Variants in BANP observed in about 807,000 individuals in gnomAD.
BANP encodes the protein protein BANP.
A neutral mutation model predicts 68.1 loss-of-function variants in BANP; 11 were observed. That is an observed-to-expected ratio of 0.16 (90% CI 0.10 to 0.27). The LOEUF is 0.27. BANP is among the 10% of genes least tolerant of loss of function. BANP has a pLI of 1.00. For synonymous variants in BANP, 329 were observed against 303.2 expected, an observed-to-expected ratio of 1.09 and a Z score of -0.88; for missense variants, 504 against 722.7, an observed-to-expected ratio of 0.70 and a Z score of 3.47.
chr16:87,955,411 A>C (rs538008246), intron 1 of BANP, among the ~76,000 whole-genome samples: 1 of 152,216 alleles, frequency 6.6e-6, no homozygotes, highest in Admixed American at 6.5e-5. Flanking sequence ...AGATGCAAAA[A>C]ATATTTCACT....
intron 6 of BANP, among the ~76,000 whole-genome samples, chr16:88,009,950 T>C (rs567806687): frequency 6.6e-6 from 1 of 152,204 alleles, no homozygotes; most frequent in South Asian, 2.1e-4. Context: ...CTCATTGGAA[T>C]AAGAAGGACT....
At chr16:87,988,616 A>G (rs1418720876) in intron 4 of BANP, among the ~76,000 whole-genome samples, 1 of 152,130 alleles carries the variant, frequency 6.6e-6, no homozygotes, top group Non-Finnish European at 1.5e-5. Context: ...CACAGAGAGT[A>G]TTACCTCCAA....
chr16:88,042,131 G>T (rs2080965477), intron 11 of BANP, among the ~76,000 whole-genome samples: 1 of 152,258 alleles, frequency 6.6e-6, no homozygotes, highest in Admixed American at 6.5e-5. Flanking sequence ...TGGGCACCTG[G>T]GTCCAGTGAG....
intron 11 of BANP, among the ~76,000 whole-genome samples, chr16:88,056,767 G>T (rs1428719206): frequency 6.6e-6 from 1 of 152,156 alleles, no homozygotes; most frequent in Admixed American, 6.5e-5. Flanking sequence ...TATTTAAAAG[G>T]TTATTCATTT....
intron 11 of BANP, among the ~76,000 whole-genome samples, chr16:88,062,140 G>A (rs1161638249): frequency 2.0e-5 from 3 of 152,090 alleles, no homozygotes; most frequent in African/African-American, 4.8e-5. Flanking sequence ...TTTCATCCTC[G>A]TTTCTGTCCA....
intron 13 of BANP, among the ~76,000 whole-genome samples, chr16:88,073,978 C>G (rs113392290): frequency 1.3e-5 from 2 of 152,230 alleles, no homozygotes; most frequent in African/African-American, 4.8e-5. Flanking sequence ...CTGCAGAAAA[C>G]CCCAGCGTGG....
rs1372698887 is a variant in BANP, at chr16:88,053,588, T to TCAC, written c.1312-11676_1312-11674dup. Among the ~76,000 whole-genome samples the TCAC allele has an allele frequency of 5.0e-5, 6 of 119,774 alleles. 1 individual carries two copies. Among genetic ancestry groups the TCAC allele is most frequent in the African/African-American group, 2.0e-4 (6 of 30,574 alleles). 78.6% of individuals were successfully genotyped at this position (119,774 alleles called of 152,430 possible). On this transcript the variant is annotated intron_variant, in intron 11 of 13. Coordinates refer to ENST00000682872, the MANE Select transcript of BANP (RefSeq NM_001386991.1). ...ACCATCATCTCCATCATCATCATCA[T>TCAC]CACCAACACAACCACCCTAACGACT... is the stretch of plus-strand genomic sequence containing the variant.
rs554065081 is a variant in BANP at position 88,029,680 on chromosome 16, C to G, written c.1063+2030C>G. On this transcript the variant is annotated intron_variant, in intron 8 of 13. Coordinates refer to ENST00000682872, the MANE Select transcript of BANP (RefSeq NM_001386991.1). ...ACACTAGCAGGAACCAGATTGAATT[C>G]TCTTGCCATTGAAATCTGGACAAAA... Among the ~76,000 whole-genome samples, 4 of 151,518 alleles carry G rather than the reference C, an allele frequency of 2.6e-5. No individual in the cohort carries two copies. In the South Asian group the frequency reaches 8.3e-4, roughly 32 times the overall value.
rs1201258099 is a variant in BANP at position 88,036,033 on chromosome 16, C to T, written c.1272+639C>T. 3.3e-5 allele frequency among the ~76,000 whole-genome samples: 5 copies of T among 152,318 alleles called. No individual in the cohort carries two copies. Among genetic ancestry groups the T allele is most frequent in the Admixed American group, 2.0e-4 (3 of 15,310 alleles). The stretch of plus-strand genomic sequence containing the variant: ...AGTCTGAGTTCTTGGAAAGCCGAGG[C>T]CAGCCTGTTGCGATGCTCCATGTTT... On this transcript the variant is annotated intron_variant, in intron 10 of 13. Transcript: ENST00000682872. This position sits in a 1 kb window ranked among gnomAD's most constrained non-coding sequence, Gnocchi z 4.2.
At chr16:88,050,485 C>T (rs2082997211) in intron 11 of BANP, among the ~76,000 whole-genome samples, 1 of 152,002 alleles carries the variant, frequency 6.6e-6, no homozygotes, top group South Asian at 2.1e-4. Context: ...AATAGCTGTG[C>T]CTCTTTAAGA....
At chr16:88,061,248 T>G (rs1332907578) in intron 11 of BANP, among the ~76,000 whole-genome samples, 1 of 152,150 alleles carries the variant, frequency 6.6e-6, no homozygotes, top group East Asian at 1.9e-4. Context: ...CATCTTGCCA[T>G]CGCTCTGGGC....
At chr16:87,953,598 GTC>G (rs1228139312) in intron 1 of BANP, among the ~76,000 whole-genome samples, 2 of 152,168 alleles carry the variant, frequency 1.3e-5, no homozygotes, top group Non-Finnish European at 2.9e-5. Flanking sequence ...CCCCTGGACT[GTC>G]TGTGTTAGGC....
chr16:88,008,377 ATTTCAT>A (rs1450869662), intron 6 of BANP, among the ~76,000 whole-genome samples: 1 of 152,204 alleles, frequency 6.6e-6, no homozygotes, highest in Non-Finnish European at 1.5e-5. Context: ...GATGCTCCTG[ATTTCAT>A]TTTCATAGAA....
intron 13 of BANP, among the ~76,000 whole-genome samples, chr16:88,073,132 G>C (rs1449970048): frequency 6.6e-6 from 1 of 152,226 alleles, no homozygotes. Context: ...GGAAGAGAGG[G>C]GTCCTCCTCA....
intron 11 of BANP, among the ~76,000 whole-genome samples, chr16:88,054,626 T>G (rs2084504147): frequency 6.6e-6 from 1 of 151,848 alleles, no homozygotes. Context: ...AGGGGTCAAG[T>G]GAATTTCCTG....
chr16:87,950,039 G>A (rs1486517557), upstream of BANP, among the ~76,000 whole-genome samples: 2 of 151,990 alleles, frequency 1.3e-5, no homozygotes, highest in Non-Finnish European at 2.9e-5. Context: ...CACCGCGCCG[G>A]GCTAATTTTT....
chr16:88,047,876 G>A (rs2082365588), intron 11 of BANP, among the ~76,000 whole-genome samples: 2 of 152,236 alleles, frequency 1.3e-5, no homozygotes, highest in Admixed American at 1.3e-4. Flanking sequence ...ACACTGCTAT[G>A]ACTATGTCCT....
rs906363037 is a variant in BANP at position 88,002,613 on chromosome 16, C to T, written c.363-1682C>T. ...CTGCGTTGCTGAGAGCTGTTTGCAT[C>T]CATGAGCCCCCCAGAAGCTGTGGGG... On this transcript the variant is annotated intron_variant, in intron 4 of 13. Transcript: ENST00000682872. The surrounding 1 kb of genome is among the most constrained non-coding windows in gnomAD (Gnocchi z 4.6). Among the ~76,000 whole-genome samples the T allele has an allele frequency of 6.6e-6, 1 of 152,122 alleles. No homozygotes were observed. The highest frequency in any genetic ancestry group is 6.5e-5 in the Admixed American group (1 of 15,268).
At chr16:87,958,433 G>C (rs954778698) in intron 1 of BANP, among the ~76,000 whole-genome samples, 3 of 152,226 alleles carry the variant, frequency 2.0e-5, no homozygotes, top group African/African-American at 7.2e-5. Context: ...CCAGTCGAGA[G>C]CGTGGAAACC....
Sources: allele counts gnomAD v4.1 joint callset (sites outside exome capture counted in the v4.1 genomes callset), GRCh38; gene constraint gnomAD v4.1.1; non-coding constraint Gnocchi (gnomAD v3.1); transcripts MANE v1.5; gene names NCBI Gene and HGNC (gene_info 2026-07-23, HGNC 2026-07-21).